BMPER: variants seen among roughly 807,000 people sequenced by gnomAD.
The protein encoded by BMPER is BMP-binding endothelial regulator protein.
A neutral mutation model predicts 87.3 loss-of-function variants in BMPER; 45 were observed. The observed-to-expected ratio is 0.52, with a 90% CI of 0.41 to 0.66. The LOEUF is 0.66. Among genes scored for constraint, BMPER ranks in the 30% least tolerant of loss-of-function variants. BMPER has a pLI of 0.00. For missense variants in BMPER, 784 were observed against 867.5 expected (o/e 0.90, Z 1.21); for synonymous variants, 326 against 316.2 (o/e 1.03, Z -0.33).
At chr7:34,042,588 C>T (rs545163674) in intron 6 of BMPER, 9 of 152,058 alleles carry the variant, frequency 5.9e-5, no homozygotes, top group Non-Finnish European at 8.8e-5. Flanking sequence ...CCCAATAAAA[C>T]GCAACGGTAA....
At chr7:34,052,708 G>A (rs957805959) in intron 8 of BMPER, among the ~76,000 whole-genome samples, 5 of 152,168 alleles carry the variant, frequency 3.3e-5, no homozygotes, top group African/African-American at 4.8e-5. Context: ...GTTAAAGGTC[G>A]GGAGAGGGAA....
rs1477306257 is a variant in BMPER, at chr7:34,153,899, A to G, written c.*626A>G. ...ATTGGCTGGTTGCCAAGAAATATAT[A>G]TTTGTCACTAGGGCATAACCGAAGA... On this transcript the variant is annotated 3_prime_UTR_variant, in exon 15 of 15. Coordinates refer to ENST00000649409, the MANE Select transcript of BMPER (RefSeq NM_001365308.1). The G allele has an allele frequency of 6.4e-6, 1 of 155,918 alleles. No individual in the cohort carries two copies. Among genetic ancestry groups the G allele is most frequent in the Non-Finnish European group, 1.4e-5 (1 of 70,054 alleles). The allele number at this position is 155,918 out of a possible 1,614,324, so 9.7% of individuals were successfully genotyped here. A position where few individuals can be genotyped will look rare whatever the true frequency, so the allele number is the denominator to read the frequency against.
intron 6 of BMPER, among the ~76,000 whole-genome samples, chr7:34,037,566 G>A (rs1003061846): frequency 1.8e-4 from 28 of 152,208 alleles, no homozygotes; most frequent in African/African-American, 6.3e-4. Context: ...GCAGGGCTCT[G>A]TAGCCTGGGC....
At chr7:34,019,137 G>A (rs1050421320) in intron 6 of BMPER, among the ~76,000 whole-genome samples, 2 of 151,988 alleles carry the variant, frequency 1.3e-5, no homozygotes, top group African/African-American at 2.4e-5. Context: ...TTTGGAGATC[G>A]AATTGCCTGC....
intron 6 of BMPER, among the ~76,000 whole-genome samples, chr7:33,993,229 A>G (rs1383772282): frequency 6.6e-6 from 1 of 150,382 alleles, no homozygotes; most frequent in African/African-American, 2.4e-5. Context: ...ACTTGGTTCC[A>G]TTCTCCCCAT....
At chr7:34,094,999 A>G (rs1022644990) in intron 13 of BMPER, among the ~76,000 whole-genome samples, 3 of 152,250 alleles carry the variant, frequency 2.0e-5, no homozygotes, top group Non-Finnish European at 4.4e-5. Flanking sequence ...CATTCTGTGC[A>G]GAAATTGATA....
intron 2 of BMPER, among the ~76,000 whole-genome samples, chr7:33,918,589 G>T (rs1784140561): frequency 6.6e-6 from 1 of 152,188 alleles, no homozygotes; most frequent in African/African-American, 2.4e-5. Flanking sequence ...GGTCTCAGGG[G>T]AACACTCTTT....
intron 12 of BMPER, among the ~76,000 whole-genome samples, chr7:34,080,009 C>T (rs770575620): frequency 6.6e-6 from 1 of 152,234 alleles, no homozygotes; most frequent in Non-Finnish European, 1.5e-5. Context: ...CTCATTTTCA[C>T]ACTTTGTGTA....
chr7:34,087,924 T>TCTGGA (rs1264851898), intron 13 of BMPER, among the ~76,000 whole-genome samples: 1 of 152,346 alleles, frequency 6.6e-6, no homozygotes, highest in African/African-American at 2.4e-5. Context: ...TGTTATGATT[T>TCTGGA]CTGGACTGCA....
intron 2 of BMPER, among the ~76,000 whole-genome samples, chr7:33,935,382 A>T (rs565755103): frequency 6.6e-6 from 1 of 152,196 alleles, no homozygotes; most frequent in Admixed American, 6.5e-5. Flanking sequence ...TGGGAGCTTG[A>T]ACAAATACCC....
intron 12 of BMPER, among the ~76,000 whole-genome samples, chr7:34,081,320 A>G (rs1055356278): frequency 6.6e-6 from 1 of 152,252 alleles, no homozygotes; most frequent in Non-Finnish European, 1.5e-5. Context: ...TTTAAAAAAA[A>G]ATTTATAAGC....
intron 6 of BMPER, among the ~76,000 whole-genome samples, chr7:33,993,736 C>G (rs1450936595): frequency 6.6e-6 from 1 of 151,926 alleles, no homozygotes; most frequent in Non-Finnish European, 1.5e-5. Context: ...TGTTTTTTTC[C>G]CCATCTTTGT....
At chr7:33,995,263 A>G (rs1786373697) in intron 6 of BMPER, among the ~76,000 whole-genome samples, 1 of 152,194 alleles carries the variant, frequency 6.6e-6, no homozygotes, top group African/African-American at 2.4e-5. Flanking sequence ...GGTACCTCAT[A>G]TGTATCTAGG....
chr7:33,969,203 C>A (rs1785475741), intron 4 of BMPER, among the ~76,000 whole-genome samples: 1 of 152,080 alleles, frequency 6.6e-6, no homozygotes. Flanking sequence ...TGTTTTCATC[C>A]TGTGCCACCC....
chr7:34,063,888 G>A (rs1441827427), intron 11 of BMPER, among the ~76,000 whole-genome samples: 2 of 152,218 alleles, frequency 1.3e-5, no homozygotes, highest in Non-Finnish European at 2.9e-5. Flanking sequence ...TCATAGGAAT[G>A]CCTCTTATTT....
At chr7:34,036,049 T>C (rs1163722534) in intron 6 of BMPER, among the ~76,000 whole-genome samples, 1 of 152,132 alleles carries the variant, frequency 6.6e-6, no homozygotes, top group Non-Finnish European at 1.5e-5. Context: ...CATGAAAAAA[T>C]GCCCTTTCTC....
rs1789189767 is a variant in BMPER, at chr7:34,085,922, T to C, written c.1575T>C (p.Ser525=). Residue 525 remains serine, a synonymous_variant, in exon 13 of 15, where the codon TCT becomes TCC. Transcript: ENST00000649409. The part of the protein sequence containing the change: ...FKFDVDDFAE[S]WRVESNEFCN... ...TTGATGTGGATGACTTTGCTGAATCTTGGAGGGTGGAGTCCAATGAGTTCT... is the reference window on the plus strand; with the variant it reads ...TTGATGTGGATGACTTTGCTGAATCCTGGAGGGTGGAGTCCAATGAGTTCT... The C allele has an allele frequency of 6.2e-7, 1 of 1,614,006 alleles. No individual in the cohort carries two copies. The highest frequency in any genetic ancestry group is 2.2e-5 in the East Asian group (1 of 44,884).
chr7:34,012,854 C>CA (rs1786918482), intron 6 of BMPER, among the ~76,000 whole-genome samples: 2 of 151,880 alleles, frequency 1.3e-5, no homozygotes, highest in South Asian at 4.2e-4. Flanking sequence ...CAGTTGTCTT[C>CA]AAAGACAATC....
At chr7:33,913,312 T>C (rs572585362) in intron 2 of BMPER, among the ~76,000 whole-genome samples, 9 of 152,334 alleles carry the variant, frequency 5.9e-5, no homozygotes, top group African/African-American at 2.2e-4. Context: ...GGGAGCATCT[T>C]GAATGTAATA....
Sources: allele counts gnomAD v4.1 joint callset (sites outside exome capture counted in the v4.1 genomes callset), GRCh38; gene constraint gnomAD v4.1.1; transcripts MANE v1.5; gene names NCBI Gene and HGNC (gene_info 2026-07-23, HGNC 2026-07-21).